The following SUDS3 variants were observed in gnomAD, a reference collection of about 807,000 sequenced individuals.
SUDS3 encodes SIN3A corepressor complex component SDS3, also known as sin3 histone deacetylase corepressor complex component SDS3.
SUDS3 carries 23 observed loss-of-function variants against 53.5 expected under a neutral mutation model. The observed-to-expected ratio is 0.43, with a 90% CI of 0.31 to 0.61. SUDS3 has a LOEUF of 0.61. Ranked by LOEUF, SUDS3 falls within the 20% of genes least tolerant of loss-of-function variation. The pLI, the probability that SUDS3 is intolerant of heterozygous loss-of-function variation, is 0.10. For missense variants in SUDS3, 291 were observed against 405.9 expected (o/e 0.72, Z 2.43); for synonymous variants, 150 against 148.5 (o/e 1.01, Z -0.08).
intron 9 of SUDS3, 191 bp downstream of exon 9, chr12:118,402,195 C>T (rs2141382943): frequency 3.4e-6 from 2 of 581,070 alleles, no homozygotes; most frequent in Non-Finnish European, 6.1e-6. Context: ...TTTCATAACC[C>T]CTGCTTTGTT....
intron 6 of SUDS3, among the ~76,000 whole-genome samples, chr12:118,399,847 A>G (rs2046248258): frequency 1.3e-5 from 2 of 152,232 alleles, no homozygotes; most frequent in Admixed American, 6.5e-5. Flanking sequence ...GTGTGGTGTC[A>G]GGTATCTATT....
intron 10 of SUDS3, among the ~76,000 whole-genome samples, chr12:118,405,713 A>G (rs181554500): frequency 9.2e-5 from 14 of 152,276 alleles, no homozygotes; most frequent in Admixed American, 1.3e-4. Context: ...CTCTTCCCCA[A>G]TGACAATTGA....
At chr12:118,381,074 G>T (rs2046054273) in intron 2 of SUDS3, among the ~76,000 whole-genome samples, 1 of 152,134 alleles carries the variant, frequency 6.6e-6, no homozygotes, top group Non-Finnish European at 1.5e-5. Context: ...TGAAGCAATT[G>T]GGTTCTCAGG....
In SUDS3 at chr12:118,386,176, C is replaced by T. The variant is rs778267106; in HGVS notation, c.331C>T (p.Arg111Trp). 4.4e-6 allele frequency: 7 copies of T among 1,598,120 alleles called. No individual in the cohort carries two copies. The highest frequency in any genetic ancestry group is 1.3e-5 in the African/African-American group (1 of 74,550). Reference sequence around the variant, plus strand: ...AGATCAGCAGTACAAAGAGAGGATACGGAATGCAGGTAAGGCTCCTTTAAA... The same window carrying T: ...AGATCAGCAGTACAAAGAGAGGATATGGAATGCAGGTAAGGCTCCTTTAAA... ...KLDQQYKERI[R>W]NAELFLQLET... Residue 111 changes from arginine to tryptophan, a missense_variant, in exon 4 of 12, where the codon CGG becomes TGG. By Grantham distance (101) the Arg-to-Trp change is moderately radical. Coordinates refer to ENST00000543473, the MANE Select transcript of SUDS3 (RefSeq NM_022491.3).
At chr12:118,407,387 C>T (rs2046317453) in intron 10 of SUDS3, among the ~76,000 whole-genome samples, 2 of 152,160 alleles carry the variant, frequency 1.3e-5, no homozygotes, top group Non-Finnish European at 2.9e-5. Flanking sequence ...TGTTGGCCAC[C>T]TCTACTTTGG....
At position 118,414,459 on chromosome 12, in the gene SUDS3, C is replaced by G. The variant is rs1413741673; in HGVS notation, c.*26C>G. 6.6e-7 allele frequency: 1 copy of G among 1,513,980 alleles called. No individual in the cohort carries two copies. The highest frequency in any genetic ancestry group is 2.4e-5 in the East Asian group (1 of 41,142). The allele number at this position is 1,513,980 out of a possible 1,614,324, so 93.8% of individuals were successfully genotyped here. ...CTTTCTACAGTGCTCTTCTCTTGAC[C>G]CTTTTTCTGGAGTGGGTTTTATTTT... On this transcript the variant is annotated 3_prime_UTR_variant, in exon 12 of 12. Coordinates refer to ENST00000543473, the MANE Select transcript of SUDS3 (RefSeq NM_022491.3).
intron 6 of SUDS3, among the ~76,000 whole-genome samples, chr12:118,398,597 G>C (rs1417499839): frequency 7.0e-6 from 1 of 142,854 alleles, no homozygotes. Context: ...TTTCTCTTAA[G>C]AGCAACATGC....
chr12:118,383,175 G>A (rs2046083294), intron 2 of SUDS3, among the ~76,000 whole-genome samples: 1 of 152,186 alleles, frequency 6.6e-6, no homozygotes, highest in African/African-American at 2.4e-5. Flanking sequence ...TCACGCCCAT[G>A]TGCTCACTTC....
chr12:118,414,545 C>A lies in SUDS3; in HGVS notation c.*112C>A. On this transcript the variant is annotated 3_prime_UTR_variant, in exon 12 of 12. Transcript: ENST00000543473. The stretch of plus-strand genomic sequence containing the variant: ...TAACTTACTGGGAATAGCTACTCAG[C>A]CTTGGAAATGGAGAGCACTGCAGTG... 1.1e-6 allele frequency: 1 copy of A among 889,358 alleles called. No individual in the cohort carries two copies. Among genetic ancestry groups the A allele is most frequent in the Non-Finnish European group, 1.7e-6 (1 of 603,964 alleles). 55.1% of individuals were successfully genotyped at this position (889,358 alleles called of 1,614,324 possible). A position where few individuals can be genotyped will look rare whatever the true frequency, so the allele number is the denominator to read the frequency against.
chr12:118,394,776 C>T (rs1687784600), intron 6 of SUDS3, among the ~76,000 whole-genome samples: 2 of 152,134 alleles, frequency 1.3e-5, no homozygotes, highest in Non-Finnish European at 1.5e-5. Flanking sequence ...AGCTCGACTT[C>T]CCAGGCTCAG....
At chr12:118,393,375 C>G (rs1453121193) in intron 6 of SUDS3, among the ~76,000 whole-genome samples, 2 of 152,128 alleles carry the variant, frequency 1.3e-5, no homozygotes, top group Non-Finnish European at 2.9e-5. Context: ...TCTAAATAAC[C>G]CACTGGAAAC....
chr12:118,387,013 G>A (rs914060905), intron 4 of SUDS3, among the ~76,000 whole-genome samples: 1 of 152,144 alleles, frequency 6.6e-6, no homozygotes, highest in Non-Finnish European at 1.5e-5. Context: ...TGAGGGTTGG[G>A]TGCCACTCCT....
At chr12:118,379,626 C>T (rs1285281868) in intron 1 of SUDS3, among the ~76,000 whole-genome samples, 1 of 152,142 alleles carries the variant, frequency 6.6e-6, no homozygotes, top group African/African-American at 2.4e-5. Context: ...GGGTATGTAT[C>T]AGAAGAGAAT....
At chr12:118,396,007 C>T (rs2046211890) in intron 6 of SUDS3, among the ~76,000 whole-genome samples, 1 of 152,092 alleles carries the variant, frequency 6.6e-6, no homozygotes, top group Non-Finnish European at 1.5e-5. Context: ...TCCCCACCCC[C>T]ACAAACCTTA....
At chr12:118,381,700 C>T (rs1593751163) in intron 2 of SUDS3, among the ~76,000 whole-genome samples, 1 of 152,188 alleles carries the variant, frequency 6.6e-6, no homozygotes, top group African/African-American at 2.4e-5. Flanking sequence ...TGCTGACTCT[C>T]AGGCCAGTGC....
At chr12:118,380,127 A>T in intron 1 of SUDS3, 35 bp from the exon 2 acceptor site, 1 of 1,567,166 alleles carries the variant, frequency 6.4e-7, no homozygotes, top group Non-Finnish European at 8.7e-7. Context: ...GTGAATTATG[A>T]TTTTAACTAG....
chr12:118,378,545 G>A (rs1330177170), intron 1 of SUDS3, among the ~76,000 whole-genome samples: 2 of 149,966 alleles, frequency 1.3e-5, no homozygotes, highest in African/African-American at 2.5e-5. Context: ...GCAGTGTCAC[G>A]ATCTCAGCTC....
At chr12:118,401,112 C>T (rs2046259141) in intron 7 of SUDS3, among the ~76,000 whole-genome samples, 2 of 152,176 alleles carry the variant, frequency 1.3e-5, no homozygotes, top group African/African-American at 2.4e-5. Flanking sequence ...AAAATGAAGG[C>T]AGTAATATCT....
Position 118,415,343 on chromosome 12 carries a change from A to G in SUDS3, c.*910A>G, listed in dbSNP as rs1373071757. On this transcript the variant is annotated 3_prime_UTR_variant, in exon 12 of 12. Transcript: ENST00000543473. ...AATAATCAGTGATCTATAGACCCTC[A>G]TGCACGATTCAAGTTTCACTCTTGT... 1 of 152,106 alleles carries G rather than the reference A, an allele frequency of 6.6e-6. No individual in the cohort carries two copies. The highest frequency in any genetic ancestry group is 1.5e-5 in the Non-Finnish European group (1 of 68,024). The allele number at this position is 152,106 out of a possible 1,614,324, so 9.4% of individuals were successfully genotyped here. A position where few individuals can be genotyped will look rare whatever the true frequency, so the allele number is the denominator to read the frequency against.
Sources: gnomAD v4.1 joint callset for allele counts (sites outside exome capture counted in the v4.1 genomes callset) on GRCh38, gnomAD v4.1.1 for gene constraint, MANE v1.5 for transcripts, NCBI Gene and HGNC (gene_info 2026-07-23, HGNC 2026-07-21) for gene names.